The following NUP210L variants were observed in gnomAD, a reference collection of about 807,000 sequenced individuals.
NUP210L encodes the protein nucleoporin 210 like, also known as nuclear pore membrane glycoprotein 210-like.
A neutral mutation model predicts 208.5 loss-of-function variants in NUP210L; 74 were observed. That is an observed-to-expected ratio of 0.35 (90% CI 0.29 to 0.43). The LOEUF is 0.43. NUP210L is among the 20% of genes least tolerant of loss of function. The pLI, the probability that NUP210L is intolerant of heterozygous loss-of-function variation, is 1.00. For missense variants in NUP210L, 1,843 were observed against 2,289.4 expected (o/e 0.81, Z 3.98); for synonymous variants, 780 against 816.9 (o/e 0.95, Z 0.77).
intron 6 of NUP210L, 108 bp from the exon 7 acceptor site, chr1:154,136,080 G>A: frequency 1.3e-6 from 1 of 750,184 alleles, no homozygotes; most frequent in South Asian, 1.7e-5. Flanking sequence ...TAAAATAAGA[G>A]TATGATCTGC....
At chr1:154,040,555 A>G (rs900756656) in intron 27 of NUP210L, among the ~76,000 whole-genome samples, 2 of 151,398 alleles carry the variant, frequency 1.3e-5, no homozygotes, top group African/African-American at 4.8e-5. Flanking sequence ...GTAGTGTTCA[A>G]TTAATTCTGG....
rs1557899849 is a variant in NUP210L, at chr1:153,995,027, AAGGC to A, written c.5491+45_5491+48del. The A allele has an allele frequency of 2.5e-6, 3 of 1,209,560 alleles. No homozygotes were observed. The South Asian group carries it at 4.0e-5, about 16-fold the overall frequency. 74.9% of individuals were successfully genotyped at this position (1,209,560 alleles called of 1,614,324 possible). A position where few individuals can be genotyped will look rare whatever the true frequency, so the allele number is the denominator to read the frequency against. Reference sequence around the variant, plus strand: ...ACTCCATCTCAAAAAAAAAAAAAAAAAGGCAGTTTTCATGTCAAAGTCTATGTTA... The same window carrying A: ...ACTCCATCTCAAAAAAAAAAAAAAAAAGTTTTCATGTCAAAGTCTATGTTA... On this transcript the variant is annotated intron_variant, in intron 38 of 39. Transcript: ENST00000368559.
At chr1:154,153,453 G>A (rs1000959578) in intron 1 of NUP210L, among the ~76,000 whole-genome samples, 2 of 152,136 alleles carry the variant, frequency 1.3e-5, no homozygotes, top group Non-Finnish European at 2.9e-5. Context: ...GAGATTACAG[G>A]TGTCTGCCAC....
intron 3 of NUP210L, 24 bp downstream of exon 3, chr1:154,143,422 G>A: frequency 6.2e-7 from 1 of 1,601,944 alleles, no homozygotes; most frequent in Non-Finnish European, 8.5e-7. Context: ...AGGTAATTTT[G>A]TTGAATCCTC....
intron 29 of NUP210L, 89 bp downstream of exon 29, chr1:154,027,417 G>T: frequency 1.1e-6 from 1 of 899,186 alleles, no homozygotes; most frequent in Non-Finnish European, 1.7e-6. Context: ...AAATCTCCTA[G>T]AAGGCAAAAG....
chr1:154,027,792 G>A (rs1041547863), intron 28 of NUP210L, among the ~76,000 whole-genome samples, 195 bp from the exon 29 acceptor site: 9 of 152,070 alleles, frequency 5.9e-5, no homozygotes, highest in South Asian at 2.1e-4. Flanking sequence ...CACTCAAAAC[G>A]TAACTAGATA....
At chr1:154,068,605 G>A (rs1244067754) in intron 17 of NUP210L, among the ~76,000 whole-genome samples, 5 of 152,214 alleles carry the variant, frequency 3.3e-5, no homozygotes, top group African/African-American at 7.2e-5. Flanking sequence ...GCGTGAACCC[G>A]GGAGGTGGAG....
rs763904353 is a variant in NUP210L at position 154,054,414 on chromosome 1, T to A, written c.3304-7A>T. ...GGCCACCTTCAGACATTACCTGGAA[T>A]TTAAATATACCATTGAATGCCTAGA... is the stretch of plus-strand genomic sequence containing the variant. On this transcript the variant is annotated splice_region_variant and splice_polypyrimidine_tract_variant and intron_variant, in intron 24 of 39. Coordinates refer to ENST00000368559, the Ensembl canonical transcript of NUP210L. The A allele has an allele frequency of 6.2e-7, 1 of 1,613,720 alleles. No individual in the cohort carries two copies.
intron 31 of NUP210L, among the ~76,000 whole-genome samples, chr1:154,022,878 T>C (rs1651646377): frequency 6.6e-6 from 1 of 151,636 alleles, no homozygotes; most frequent in Non-Finnish European, 1.5e-5. Flanking sequence ...GGTTTCACCA[T>C]GTTGTCCAGG....
At chr1:154,055,144 TTTCTTTCTTTCTTTCTTTC>T (rs1557944182) in intron 23 of NUP210L, among the ~76,000 whole-genome samples, 2 of 118,598 alleles carry the variant, frequency 1.7e-5, no homozygotes, top group African/African-American at 5.7e-5. Flanking sequence ...TCTTTCTTTC[TTTCTTTCTTTCTTTCTTTC>T]TTTCTTTCTT....
chr1:154,077,292 C>T (rs1655086645), intron 16 of NUP210L, among the ~76,000 whole-genome samples: 1 of 151,852 alleles, frequency 6.6e-6, no homozygotes, highest in Non-Finnish European at 1.5e-5. Context: ...ACAAGAATTG[C>T]TTGAATCCAG....
At chr1:154,150,751 A>G (rs1431115590) in intron 2 of NUP210L, among the ~76,000 whole-genome samples, 2 of 150,280 alleles carry the variant, frequency 1.3e-5, no homozygotes, top group Non-Finnish European at 3.0e-5. Context: ...AAAAAAAAGG[A>G]CTTAAATGCC....
chr1:154,121,594 C>T (rs902112949), intron 10 of NUP210L, among the ~76,000 whole-genome samples: 7 of 152,240 alleles, frequency 4.6e-5, no homozygotes, highest in African/African-American at 1.7e-4. Flanking sequence ...AGGCTGAAAG[C>T]GGTGGCTCAC....
At chr1:154,091,925 ATTATG>A (rs994031758) in intron 15 of NUP210L, among the ~76,000 whole-genome samples, 1 of 152,070 alleles carries the variant, frequency 6.6e-6, no homozygotes, top group Non-Finnish European at 1.5e-5. Flanking sequence ...CCTTGAGAAC[ATTATG>A]TTAAGTGAAA....
chr1:154,142,960 G>A (rs1471363708), intron 3 of NUP210L, among the ~76,000 whole-genome samples: 13 of 151,336 alleles, frequency 8.6e-5, no homozygotes, highest in Admixed American at 6.6e-4. Flanking sequence ...AGGCCAAGGC[G>A]GGTGGATCAC....
intron 27 of NUP210L, among the ~76,000 whole-genome samples, chr1:154,035,771 T>A (rs892898997): frequency 2.7e-5 from 4 of 147,386 alleles, no homozygotes. Flanking sequence ...TCTTACTTTG[T>A]CACCCAGGCT....
intron 16 of NUP210L, among the ~76,000 whole-genome samples, chr1:154,071,122 G>T (rs1287092109): frequency 1.3e-5 from 2 of 149,986 alleles, no homozygotes; most frequent in Admixed American, 6.6e-5. Context: ...TTTGAGACAG[G>T]GTATCTCTCA....
At chr1:154,139,921 G>A (rs1156326453) in exon 5 of NUP210L, 13 of 1,610,692 alleles carry the variant, frequency 8.1e-6, no homozygotes, top group Non-Finnish European at 1.0e-5. Flanking sequence ...TATATTGGGG[G>A]AGCATATTCT....
chr1:154,114,773 A>C (rs1657226873), intron 12 of NUP210L, among the ~76,000 whole-genome samples: 1 of 79,972 alleles, frequency 1.3e-5, no homozygotes, highest in Non-Finnish European at 2.5e-5. Flanking sequence ...TTTTTTTTTA[A>C]GAGATGGGGG....
Sources: gnomAD v4.1 joint callset for allele counts (sites outside exome capture counted in the v4.1 genomes callset) on GRCh38, gnomAD v4.1.1 for gene constraint, MANE v1.5 for transcripts, NCBI Gene and HGNC (gene_info 2026-07-23, HGNC 2026-07-21) for gene names.